MYCBP2: variants seen among roughly 807,000 people sequenced by gnomAD.
MYCBP2 encodes MYC binding protein 2, also known as E3 ubiquitin-protein ligase MYCBP2.
A neutral mutation model predicts 525.3 loss-of-function variants in MYCBP2; 120 were observed. That is an observed-to-expected ratio of 0.23 (90% confidence interval 0.20 to 0.27). MYCBP2 has a LOEUF of 0.27. Ranked by LOEUF, MYCBP2 falls within the 10% of genes least tolerant of loss-of-function variation. The pLI, the probability that MYCBP2 is intolerant of heterozygous loss-of-function variation, is 1.00. For synonymous variants in MYCBP2, 1,894 were observed against 1,955.8 expected (o/e 0.97, Z 0.83); for missense variants, 4,149 against 5,657.1 (o/e 0.73, Z 8.55).
intron 55 of MYCBP2, among the ~76,000 whole-genome samples, chr13:77,119,459 CT>C (rs915612997): frequency 6.6e-5 from 10 of 151,718 alleles, no homozygotes; most frequent in Middle Eastern, 3.4e-3. Context: ...AGCCATATAT[CT>C]TTTTTTGAAA....
At chr13:77,196,305 G>A (rs1341353176) in intron 26 of MYCBP2, among the ~76,000 whole-genome samples, 2 of 152,208 alleles carry the variant, frequency 1.3e-5, no homozygotes, top group Non-Finnish European at 2.9e-5. Context: ...TGGGGACTTT[G>A]TAGGTCCTTC....
At chr13:77,324,490 A>T (rs1257763920) in intron 1 of MYCBP2, among the ~76,000 whole-genome samples, 1 of 152,252 alleles carries the variant, frequency 6.6e-6, no homozygotes, top group Non-Finnish European at 1.5e-5. Context: ...TCTTAATCAA[A>T]TCATCAATAG....
chr13:77,261,969 A>C, intron 11 of MYCBP2, 84 bp downstream of exon 11: 1 of 1,027,688 alleles, frequency 9.7e-7, no homozygotes, highest in Non-Finnish European at 1.4e-6. Context: ...TTAAACATGC[A>C]AACTATATAA....
At chr13:77,323,076 A>G (rs1338263552) in intron 1 of MYCBP2, among the ~76,000 whole-genome samples, 1 of 152,224 alleles carries the variant, frequency 6.6e-6, no homozygotes, top group Non-Finnish European at 1.5e-5. Flanking sequence ...AGCAGTCAAC[A>G]TGCCAAGCAC....
intron 17 of MYCBP2, among the ~76,000 whole-genome samples, chr13:77,238,242 CAAAAAAAAAAAA>C (rs772175406): frequency 3.5e-4 from 10 of 28,290 alleles, no homozygotes; most frequent in Non-Finnish European, 6.1e-4. Flanking sequence ...GACTCCGTCT[CAAAAAAAAAAAA>C]AAAAAAAAAA....
At chr13:77,183,528 A>G (rs912387896) in intron 32 of MYCBP2, among the ~76,000 whole-genome samples, 2 of 128,700 alleles carry the variant, frequency 1.6e-5, no homozygotes, top group Non-Finnish European at 3.2e-5. Flanking sequence ...GTTTATAGTG[A>G]TAGTCCCTAT....
intron 61 of MYCBP2, 76 bp from the exon 62 acceptor site, chr13:77,087,709 C>T (rs2044577968): frequency 2.4e-6 from 3 of 1,266,374 alleles, no homozygotes; most frequent in South Asian, 1.5e-5. Flanking sequence ...AAAGTACCTC[C>T]ATGGATTAAG....
intron 59 of MYCBP2, chr13:77,090,582 A>G (rs1227562147): frequency 5.6e-6 from 1 of 178,166 alleles, no homozygotes; most frequent in Non-Finnish European, 1.2e-5. Flanking sequence ...TATTCAGGAA[A>G]AACAGTCAGA....
At chr13:77,129,489 G>A (rs936234371) in intron 52 of MYCBP2, 15 of 275,452 alleles carry the variant, frequency 5.4e-5, no homozygotes, top group Non-Finnish European at 8.7e-5. Context: ...GCCAGACGTT[G>A]TTATAAAGCT....
At chr13:77,290,702 G>A (rs918105464) in intron 2 of MYCBP2, among the ~76,000 whole-genome samples, 13 of 152,154 alleles carry the variant, frequency 8.5e-5, no homozygotes, top group African/African-American at 1.9e-4. Context: ...AGAAGCTAAG[G>A]AGAGGGTGAG....
At chr13:77,057,461 G>A (rs2038338821) in intron 78 of MYCBP2, among the ~76,000 whole-genome samples, 1 of 152,122 alleles carries the variant, frequency 6.6e-6, no homozygotes, top group African/African-American at 2.4e-5. Flanking sequence ...TTGGAATCAT[G>A]AGAACTGAAA....
chr13:77,047,985 A>T (rs1291744619), intron 82 of MYCBP2, among the ~76,000 whole-genome samples: 2 of 151,982 alleles, frequency 1.3e-5, no homozygotes, highest in Non-Finnish European at 2.9e-5. Flanking sequence ...CTTTCGCTCT[A>T]ACCTCACCTT....
rs140994741 is a variant in MYCBP2 at position 77,068,793 on chromosome 13, A to G, written c.11943T>C (p.Ala3981=). The change falls in exon 70 of 83, where the codon GCT becomes GCC. Residue 3981 remains alanine, a synonymous_variant. Transcript: ENST00000544440. ...AHIVQAIRME[A]TRVREEWEHA... The stretch of plus-strand genomic sequence containing the variant: ...GTTCCCATTCTTCACGGACTCTGGT[A>G]GCTTCCATGCGAATAGCTTGGACAA... The G allele has an allele frequency of 1.7e-5, 27 of 1,614,072 alleles. No individual in the cohort carries two copies. The highest frequency in any genetic ancestry group is 5.0e-5 in the Admixed American group (3 of 60,012).
chr13:77,098,219 C>G lies in MYCBP2; in HGVS notation c.8935G>C (p.Glu2979Gln). ...FSIGKAPLKD[E>Q]QEMRASPKIS... ...TTGGGAGATGCTCTCATTTCCTGTT[C>G]ATCTTTCAGTGGTGCTTTTCCAATG... The change falls in exon 56 of 83, where the codon GAA (glutamate) becomes CAA (glutamine). Residue 2979 changes from glutamate to glutamine, a missense_variant. Physicochemically the swap from Glu to Gln is conservative, Grantham distance 29. Coordinates refer to ENST00000544440, the MANE Select transcript of MYCBP2 (RefSeq NM_015057.5). The G allele has an allele frequency of 6.2e-7, 1 of 1,613,534 alleles. No individual in the cohort carries two copies. The highest frequency in any genetic ancestry group is 1.3e-5 in the African/African-American group (1 of 75,002).
intron 1 of MYCBP2, among the ~76,000 whole-genome samples, chr13:77,310,310 A>G (rs993985378): frequency 2.0e-5 from 3 of 152,116 alleles, no homozygotes; most frequent in African/African-American, 7.2e-5. Flanking sequence ...CACTTCTTTG[A>G]TTCCCTGAAT....
In MYCBP2 at chr13:77,267,674, T is replaced by C. The variant is rs529055552; in HGVS notation, c.1357+167A>G. ...TATTTCTATGTCTATTCTCTTGATATGTATTAACTTCACGTAGACTATAAA... is the reference window on the plus strand; with the variant it reads ...TATTTCTATGTCTATTCTCTTGATACGTATTAACTTCACGTAGACTATAAA... On this transcript the variant is annotated intron_variant, in intron 8 of 82. Coordinates refer to ENST00000544440, the MANE Select transcript of MYCBP2 (RefSeq NM_015057.5). Among the ~76,000 whole-genome samples the C allele has an allele frequency of 2.7e-3, 408 of 152,330 alleles. 1 individual carries two copies. The highest frequency in any genetic ancestry group is 6.8e-3 in the Middle Eastern group (2 of 294).
chr13:77,128,636 C>T (rs1268504029), intron 52 of MYCBP2, among the ~76,000 whole-genome samples: 2 of 151,776 alleles, frequency 1.3e-5, no homozygotes, highest in Non-Finnish European at 3.0e-5. Flanking sequence ...CAGTATAAAA[C>T]ACTGACAGAC....
intron 14 of MYCBP2, among the ~76,000 whole-genome samples, chr13:77,253,407 A>G (rs960133469): frequency 6.6e-6 from 1 of 151,992 alleles, no homozygotes; most frequent in Admixed American, 6.6e-5. Context: ...AAACTGTAGT[A>G]TCTATATATA....
intron 54 of MYCBP2, among the ~76,000 whole-genome samples, chr13:77,123,384 A>G (rs1277896223): frequency 6.6e-6 from 1 of 152,232 alleles, no homozygotes; most frequent in African/African-American, 2.4e-5. Flanking sequence ...ATGATACTCT[A>G]ATTTAAGAGG....
Sources: allele counts gnomAD v4.1 joint callset (sites outside exome capture counted in the v4.1 genomes callset), GRCh38; gene constraint gnomAD v4.1.1; transcripts MANE v1.5; gene names NCBI Gene and HGNC (gene_info 2026-07-23, HGNC 2026-07-21).